FAM81B: variants seen among roughly 807,000 people sequenced by gnomAD.
FAM81B encodes the protein protein FAM81B.
Under a neutral mutation model 58.7 loss-of-function variants are expected in FAM81B, and 60 were observed. That is an observed-to-expected ratio of 1.02 (90% CI 0.83 to 1.27). The LOEUF (loss-of-function observed/expected upper bound fraction) is 1.27, where lower values mean the gene tolerates loss of function less well. Among genes scored for constraint, FAM81B ranks in the 50% most tolerant of loss-of-function variants. The pLI is 0.00. For missense variants in FAM81B, 491 were observed against 522.0 expected, an observed-to-expected ratio of 0.94 and a Z score of 0.58; for synonymous variants, 189 against 179.6, an observed-to-expected ratio of 1.05 and a Z score of -0.42.
At chr5:95,395,830 A>T (rs1761951400) in intron 2 of FAM81B, among the ~76,000 whole-genome samples, 1 of 152,224 alleles carries the variant, frequency 6.6e-6, no homozygotes, top group South Asian at 2.1e-4. Context: ...ATTTCATTTT[A>T]AAATTATCTA....
chr5:95,393,399 C>T (rs1443340188), intron 2 of FAM81B, among the ~76,000 whole-genome samples: 2 of 152,110 alleles, frequency 1.3e-5, no homozygotes, highest in Non-Finnish European at 2.9e-5. Context: ...CAATATCAAA[C>T]ATTGATTTTT....
rs531648556 is a variant in FAM81B, at chr5:95,422,234, C to T, written c.656+1832C>T. On this transcript the variant is annotated intron_variant, in intron 5 of 9. Transcript: ENST00000283357. ...GGAAATAATACATATGGTTGAAAAA[C>T]ACTCATCCAAGGAAAAAATAACTGT... is the stretch of plus-strand genomic sequence containing the variant. 8.7e-4 allele frequency among the ~76,000 whole-genome samples: 132 copies of T among 151,672 alleles called. 1 individual carries two copies. Among genetic ancestry groups the T allele is most frequent in the East Asian group, 1.9e-4 (1 of 5,176 alleles).
intron 4 of FAM81B, among the ~76,000 whole-genome samples, chr5:95,417,110 A>G (rs1400280458): frequency 6.6e-6 from 1 of 152,200 alleles, no homozygotes; most frequent in African/African-American, 2.4e-5. Flanking sequence ...TTATTTCCAT[A>G]GTATCTATTC....
Position 95,392,699 on chromosome 5 carries a change from G to A in FAM81B, c.125-95G>A, listed in dbSNP as rs1761858803. The stretch of plus-strand genomic sequence containing the variant: ...AGCCTCCCTTTAAGCCAAGCTATAT[G>A]TACAGAAACTGCCCTCAATTAAAAA... On this transcript the variant is annotated intron_variant, in intron 1 of 9. Transcript: ENST00000283357. 5.2e-6 allele frequency: 5 copies of A among 952,692 alleles called. No homozygotes were observed. The South Asian group carries it at 7.5e-5, about 14-fold the overall frequency. 59.0% of individuals were successfully genotyped at this position (952,692 alleles called of 1,614,324 possible).
chr5:95,409,074 C>T (rs537811356), intron 3 of FAM81B, among the ~76,000 whole-genome samples: 64 of 152,196 alleles, frequency 4.2e-4, no homozygotes, highest in Non-Finnish European at 8.4e-4. Flanking sequence ...AAAAAGTTCA[C>T]ATTGATTACA....
chr5:95,409,761 C>A (rs1345299246), intron 3 of FAM81B, among the ~76,000 whole-genome samples: 1 of 152,150 alleles, frequency 6.6e-6, no homozygotes, highest in Non-Finnish European at 1.5e-5. Flanking sequence ...ATATCTGTGG[C>A]CAAACTTTAG....
At chr5:95,409,486 TAATGTGGC>T (rs1762352383) in intron 3 of FAM81B, among the ~76,000 whole-genome samples, 1 of 151,402 alleles carries the variant, frequency 6.6e-6, no homozygotes, top group Non-Finnish European at 1.5e-5. Flanking sequence ...GAATTTTTCT[TAATGTGGC>T]TATTAGAAAG....
At chr5:95,419,250 T>C (rs189748685) in intron 4 of FAM81B, among the ~76,000 whole-genome samples, 2 of 152,340 alleles carry the variant, frequency 1.3e-5, no homozygotes, top group African/African-American at 4.8e-5. Flanking sequence ...TCTGTGGTCT[T>C]TGAAATTCTT....
intron 7 of FAM81B, among the ~76,000 whole-genome samples, chr5:95,446,332 T>C (rs1745556379): frequency 6.6e-6 from 1 of 152,172 alleles, no homozygotes; most frequent in South Asian, 2.1e-4. Flanking sequence ...ACTGTGTGTT[T>C]GTATTTTAGG....
intron 3 of FAM81B, among the ~76,000 whole-genome samples, chr5:95,412,800 T>C (rs1254324417): frequency 2.0e-5 from 3 of 152,172 alleles, no homozygotes; most frequent in Non-Finnish European, 4.4e-5. Context: ...TCAAGAATGT[T>C]TGGATCCAAC....
chr5:95,414,093 A>C lies in FAM81B; in HGVS notation c.440A>C (p.His147Pro), dbSNP rs370286961. ...EDISACLQGT[H>P]GFRKEESLAR... Reference sequence around the variant, plus strand: ...ATCTCTGCTTGCCTGCAGGGGACCCATGGCTTTCGAAAAGAGGAATCGCTC... The same window carrying C: ...ATCTCTGCTTGCCTGCAGGGGACCCCTGGCTTTCGAAAAGAGGAATCGCTC... The change falls in exon 4 of 10, where the codon CAT becomes CCT. Residue 147 changes from histidine to proline, a missense_variant. Physicochemically the swap from His to Pro is moderately conservative, Grantham distance 77. Coordinates refer to ENST00000283357, the MANE Select transcript of FAM81B (RefSeq NM_152548.3). The C allele has an allele frequency of 2.1e-5, 34 of 1,613,968 alleles. No homozygotes were observed. Among genetic ancestry groups the C allele is most frequent in the Non-Finnish European group, 2.7e-5 (32 of 1,180,012 alleles).
At chr5:95,441,853 C>T (rs1325641053) in intron 7 of FAM81B, among the ~76,000 whole-genome samples, 1 of 152,180 alleles carries the variant, frequency 6.6e-6, no homozygotes, top group Non-Finnish European at 1.5e-5. Flanking sequence ...CCTAAGCCTA[C>T]TTAGTTCTTA....
intron 3 of FAM81B, among the ~76,000 whole-genome samples, chr5:95,400,427 CAT>C (rs1002936765): frequency 6.2e-5 from 6 of 96,546 alleles, no homozygotes; most frequent in Admixed American, 1.1e-4. Context: ...TACATACATA[CAT>C]ACATACACAC....
At chr5:95,395,998 C>CGA in intron 2 of FAM81B, 113 bp from the exon 3 acceptor site, 2 of 750,340 alleles carry the variant, frequency 2.7e-6, no homozygotes, top group Non-Finnish European at 4.3e-6. Context: ...AGCTGATTAT[C>CGA]TGGTCTATGG....
Position 95,391,613 on chromosome 5 carries a change from C to A in FAM81B, c.124+100C>A, listed in dbSNP as rs904641216. The A allele has an allele frequency of 2.2e-6, 3 of 1,334,304 alleles. No homozygotes were observed. In the African/African-American group the frequency reaches 4.4e-5, roughly 20 times the overall value. The allele number at this position is 1,334,304 out of a possible 1,614,324, so 82.7% of individuals were successfully genotyped here. A position where few individuals can be genotyped will look rare whatever the true frequency, so the allele number is the denominator to read the frequency against. On this transcript the variant is annotated intron_variant, in intron 1 of 9. Coordinates refer to ENST00000283357, the MANE Select transcript of FAM81B (RefSeq NM_152548.3). ...ACAAAATAATGAATCCCAATGAAGA[C>A]CCTCAGAAGGCTTGGGCACAACAGA...
rs771551275 is a variant in FAM81B, at chr5:95,392,803, T to C, written c.134T>C (p.Val45Ala). Residue 45 changes from valine to alanine, a missense_variant, in exon 2 of 10, where the codon GTA becomes GCA. Transcript: ENST00000283357. ...CATTCTGGTTACCTAGATACAAATGTAAACAAAAGTGCCTCTCCAACTGCG... is the reference window on the plus strand; with the variant it reads ...CATTCTGGTTACCTAGATACAAATGCAAACAAAAGTGCCTCTCCAACTGCG... ...KASIMSSDTN[V>A]NKSASPTATA... 6.2e-7 allele frequency: 1 copy of C among 1,609,198 alleles called. No individual in the cohort carries two copies. The highest frequency in any genetic ancestry group is 2.2e-5 in the East Asian group (1 of 44,804).
chr5:95,427,006 G>A (rs1273166363), intron 5 of FAM81B, among the ~76,000 whole-genome samples: 3 of 152,106 alleles, frequency 2.0e-5, no homozygotes, highest in South Asian at 2.1e-4. Flanking sequence ...CCGAGATTGT[G>A]CCACTGCACT....
At chr5:95,414,690 C>T (rs1475966241) in intron 4 of FAM81B, among the ~76,000 whole-genome samples, 5 of 152,198 alleles carry the variant, frequency 3.3e-5, no homozygotes, top group Non-Finnish European at 5.9e-5. Flanking sequence ...TCTTTGCACT[C>T]ATAATTCACT....
At chr5:95,417,910 TAC>T (rs1762579512) in intron 4 of FAM81B, among the ~76,000 whole-genome samples, 2 of 152,338 alleles carry the variant, frequency 1.3e-5, no homozygotes, top group South Asian at 2.1e-4. Context: ...TAATTGTATT[TAC>T]AGTGTCTTTA....
Sources: allele counts gnomAD v4.1 joint callset (sites outside exome capture counted in the v4.1 genomes callset), GRCh38; gene constraint gnomAD v4.1.1; transcripts MANE v1.5; gene names NCBI Gene and HGNC (gene_info 2026-07-23, HGNC 2026-07-21).